Variants in PPP4R2 observed in about 807,000 individuals in gnomAD.
PPP4R2 encodes the protein serine/threonine-protein phosphatase 4 regulatory subunit 2.
A neutral mutation model predicts 47.2 loss-of-function variants in PPP4R2; 13 were observed. That is an observed-to-expected ratio of 0.28 (90% CI 0.18 to 0.44). The LOEUF (loss-of-function observed/expected upper bound fraction) is 0.44, where lower values mean the gene tolerates loss of function less well. Among genes scored for constraint, PPP4R2 ranks in the 20% least tolerant of loss-of-function variants. PPP4R2 has a pLI of 1.00. For synonymous variants in PPP4R2, 151 were observed against 163.3 expected, an observed-to-expected ratio of 0.92 and a Z score of 0.57; for missense variants, 421 against 491.2, an observed-to-expected ratio of 0.86 and a Z score of 1.35.
intron 2 of PPP4R2, among the ~76,000 whole-genome samples, chr3:73,014,715 T>A (rs1342464586): frequency 6.6e-6 from 1 of 152,256 alleles, no homozygotes; most frequent in Non-Finnish European, 1.5e-5. Context: ...TGTAATTTTC[T>A]ATCTGATGCC....
chr3:73,028,540 A>C (rs1245481300), intron 2 of PPP4R2, among the ~76,000 whole-genome samples: 4 of 152,002 alleles, frequency 2.6e-5, no homozygotes, highest in African/African-American at 9.7e-5. Flanking sequence ...TCCTGGTTTC[A>C]AGCAATTCCC....
chr3:73,060,192 T>C (rs929103849), intron 4 of PPP4R2, among the ~76,000 whole-genome samples: 1 of 152,208 alleles, frequency 6.6e-6, no homozygotes, highest in Non-Finnish European at 1.5e-5. Context: ...TGATTTACAG[T>C]AGTTTTTGTG....
chr3:73,013,354 A>G (rs1698416481), intron 2 of PPP4R2, among the ~76,000 whole-genome samples: 1 of 152,214 alleles, frequency 6.6e-6, no homozygotes, highest in Non-Finnish European at 1.5e-5. Flanking sequence ...TTTGGTGAGA[A>G]TAACTGCATT....
chr3:73,063,440 A>G, intron 5 of PPP4R2: 1 of 386,822 alleles, frequency 2.6e-6, no homozygotes, highest in South Asian at 2.9e-5. Context: ...CCTGGCCAAC[A>G]TGGCAAAACC....
intron 7 of PPP4R2, among the ~76,000 whole-genome samples, chr3:73,064,577 G>A (rs76163621): frequency 0.052 from 7,971 of 152,198 alleles, 683 homozygotes; most frequent in African/African-American, 0.18. Context: ...GAGTATGTCC[G>A]TATGGAAGAC....
rs1293564237 is a variant in PPP4R2 at position 73,068,685 on chromosome 3, G to A, written c.*2963G>A. The A allele has an allele frequency of 1.3e-5, 2 of 152,114 alleles. No homozygotes were observed. The highest frequency in any genetic ancestry group is 6.6e-5 in the Admixed American group (1 of 15,266). 9.4% of individuals were successfully genotyped at this position (152,114 alleles called of 1,614,324 possible). ...GAGATTCAGAGTATTTTGTTTTGCC[G>A]GTGTAGATAGGCATGTATTTATGCA... On this transcript the variant is annotated 3_prime_UTR_variant, in exon 9 of 9. Transcript: ENST00000356692.
rs1172247525 is a variant in PPP4R2 at position 73,065,029 on chromosome 3, G to C, written c.816G>C (p.Met272Ile). Residue 272 changes from methionine (M) to isoleucine (I), a missense_variant, in exon 8 of 9, where the codon ATG becomes ATC. This residue lies in a region of PPP4R2 where 317 missense variants were observed against 287.5 expected (regional missense o/e 1.10). Transcript: ENST00000356692. ...CTTCCAGCGAAATTTCTTCAGTTAT[G>C]GTAGGAGAAACAGAAGCATCATCTT... Reference protein sequence around the residue: ...QTTSSEISSVMVGETEASSSS... With the variant: ...QTTSSEISSVIVGETEASSSS... The C allele has an allele frequency of 6.2e-6, 10 of 1,613,902 alleles. No homozygotes were observed. Among genetic ancestry groups the C allele is most frequent in the Non-Finnish European group, 8.5e-6 (10 of 1,179,858 alleles).
rs11300271 is a variant in PPP4R2 at position 73,059,936 on chromosome 3, GAA to G, written c.381+821_381+822del. Among the ~76,000 whole-genome samples the G allele has an allele frequency of 3.6e-3, 422 of 118,256 alleles. 1 individual carries two copies. The highest frequency in any genetic ancestry group is 4.6e-3 in the Middle Eastern group (1 of 216). The allele number at this position is 118,256 out of a possible 152,430, so 77.6% of individuals were successfully genotyped here. A position where few individuals can be genotyped will look rare whatever the true frequency, so the allele number is the denominator to read the frequency against. On this transcript the variant is annotated intron_variant, in intron 4 of 8. Coordinates refer to ENST00000356692, the MANE Select transcript of PPP4R2 (RefSeq NM_174907.4). ...GGCAACAAAGTGAGACTCTGTCTCA[GAA>G]AAAAAAAAAAAAAAGGAAATGGTGT...
chr3:73,004,201 C>T (rs1307393912), intron 2 of PPP4R2, among the ~76,000 whole-genome samples: 3 of 151,410 alleles, frequency 2.0e-5, no homozygotes, highest in Middle Eastern at 3.4e-3. Context: ...TTTTTGCCCC[C>T]CTTTTTATTT....
At chr3:73,006,602 T>A (rs1701614923) in intron 2 of PPP4R2, among the ~76,000 whole-genome samples, 1 of 152,196 alleles carries the variant, frequency 6.6e-6, no homozygotes, top group Non-Finnish European at 1.5e-5. Context: ...TTCTGCTTTT[T>A]TTTGAACCTT....
intron 2 of PPP4R2, among the ~76,000 whole-genome samples, chr3:73,027,359 C>A (rs1702087278): frequency 6.6e-6 from 1 of 152,188 alleles, no homozygotes; most frequent in Non-Finnish European, 1.5e-5. Flanking sequence ...ATCTCCTGAC[C>A]TCATGATCCG....
Position 73,000,016 on chromosome 3 carries a change from C to T in PPP4R2, c.116+1858C>T, listed in dbSNP as rs570037189. On this transcript the variant is annotated intron_variant, in intron 2 of 8. Coordinates refer to ENST00000356692, the MANE Select transcript of PPP4R2 (RefSeq NM_174907.4). The stretch of plus-strand genomic sequence containing the variant: ...CTTTGTCTAGTATGTGAGATTGTAA[C>T]GAGAGAATGAAAATGAAAATTTAAA... 4.6e-5 allele frequency among the ~76,000 whole-genome samples: 7 copies of T among 152,060 alleles called. No homozygotes were observed. In the East Asian group the frequency reaches 7.7e-4, roughly 17 times the overall value.
chr3:72,998,639 A>G (rs1701399844), intron 2 of PPP4R2, among the ~76,000 whole-genome samples: 1 of 152,136 alleles, frequency 6.6e-6, no homozygotes, highest in African/African-American at 2.4e-5. Context: ...GGACTCTGTT[A>G]TTATCTGACA....
intron 3 of PPP4R2, 31 bp downstream of exon 3, chr3:73,047,387 A>AT: frequency 7.1e-7 from 1 of 1,410,554 alleles, no homozygotes; most frequent in Non-Finnish European, 9.6e-7. Flanking sequence ...TAAAGATTTA[A>AT]TTTTTAGCAG....
chr3:73,064,232 A>G, intron 7 of PPP4R2, 86 bp downstream of exon 7: 2 of 1,178,308 alleles, frequency 1.7e-6, no homozygotes, highest in Non-Finnish European at 2.4e-6. Context: ...ACTATTTATA[A>G]GTTCTGAGGG....
At chr3:73,003,665 G>A (rs1701532323) in intron 2 of PPP4R2, among the ~76,000 whole-genome samples, 1 of 151,668 alleles carries the variant, frequency 6.6e-6, no homozygotes, top group Non-Finnish European at 1.5e-5. Context: ...TTATTGAAAA[G>A]CGGCTAATTG....
chr3:73,047,409 ATTTTTC>A (rs1702506950), intron 3 of PPP4R2, 53 bp downstream of exon 3: 1 of 1,257,440 alleles, frequency 8.0e-7, no homozygotes, highest in Non-Finnish European at 1.1e-6. Context: ...AGATGAATAG[ATTTTTC>A]TTTTAGTTTT....
At chr3:73,008,803 A>G (rs534546494) in intron 2 of PPP4R2, among the ~76,000 whole-genome samples, 1 of 152,188 alleles carries the variant, frequency 6.6e-6, no homozygotes, top group Non-Finnish European at 1.5e-5. Flanking sequence ...AAACGAGTCT[A>G]AAGTACTTAA....
chr3:73,063,635 A>T (rs778681080), intron 5 of PPP4R2, 38 bp from the exon 6 acceptor site: 1 of 1,297,936 alleles, frequency 7.7e-7, no homozygotes, highest in Non-Finnish European at 1.1e-6. Flanking sequence ...TCTAAAAAAA[A>T]ATTAAGTCAT....
Sources: gnomAD v4.1 joint callset for allele counts (sites outside exome capture counted in the v4.1 genomes callset) on GRCh38, gnomAD v4.1.1 for gene constraint, gnomAD v4.1.1 regional missense constraint, MANE v1.5 for transcripts, NCBI Gene and HGNC (gene_info 2026-07-23, HGNC 2026-07-21) for gene names.